The following SGCZ variants were observed in gnomAD, a reference collection of about 807,000 sequenced individuals.
The protein encoded by SGCZ is sarcoglycan zeta, also known as zeta-sarcoglycan.
SGCZ carries 40 observed loss-of-function variants against 41.3 expected under a neutral mutation model. That is an observed-to-expected ratio of 0.97 (90% CI 0.75 to 1.26). The LOEUF (loss-of-function observed/expected upper bound fraction) is 1.26, where lower values mean the gene tolerates loss of function less well. Among genes scored for constraint, SGCZ ranks in the 50% most tolerant of loss-of-function variants. The probability of loss-of-function intolerance (pLI) is 0.00; values close to 1 mark genes in which losing one functional copy is unlikely to be tolerated. For missense variants in SGCZ, 552 were observed against 369.8 expected, an observed-to-expected ratio of 1.49 and a Z score of -4.04; for synonymous variants, 206 against 137.5, an observed-to-expected ratio of 1.50 and a Z score of -3.49.
intron 1 of SGCZ, among the ~76,000 whole-genome samples, chr8:15,231,432 A>C (rs1801935118): frequency 1.3e-5 from 2 of 152,064 alleles, no homozygotes; most frequent in Admixed American, 1.3e-4. Context: ...AATTTTTAGA[A>C]TGTGAGGCTA....
intron 2 of SGCZ, among the ~76,000 whole-genome samples, chr8:14,405,081 G>C (rs544662929): frequency 6.6e-6 from 1 of 152,246 alleles, no homozygotes; most frequent in South Asian, 2.1e-4. Flanking sequence ...CTGTGACCCT[G>C]CTAACTACTT....
intron 1 of SGCZ, among the ~76,000 whole-genome samples, chr8:14,801,819 C>T (rs1801330283): frequency 1.4e-5 from 2 of 139,804 alleles, no homozygotes; most frequent in Admixed American, 7.7e-5. Flanking sequence ...TTTTTATGTG[C>T]TTTAAAAATA....
chr8:15,191,757 T>C (rs1365027442), intron 1 of SGCZ, among the ~76,000 whole-genome samples: 3 of 152,084 alleles, frequency 2.0e-5, no homozygotes, highest in Non-Finnish European at 2.9e-5. Flanking sequence ...GAAAAAATAC[T>C]GATATATTTC....
At chr8:14,909,796 A>C (rs1278374432) in intron 1 of SGCZ, among the ~76,000 whole-genome samples, 1 of 152,214 alleles carries the variant, frequency 6.6e-6, no homozygotes, top group South Asian at 2.1e-4. Flanking sequence ...TGGTTTGTCC[A>C]TCTACTAGTT....
intron 1 of SGCZ, among the ~76,000 whole-genome samples, chr8:15,006,260 G>A (rs78895772): frequency 6.6e-6 from 1 of 152,138 alleles, no homozygotes; most frequent in Non-Finnish European, 1.5e-5. Flanking sequence ...GAATAGCAAT[G>A]GCCATGATTT....
chr8:14,480,350 C>T (rs1801502060), intron 2 of SGCZ, among the ~76,000 whole-genome samples: 1 of 152,084 alleles, frequency 6.6e-6, no homozygotes, highest in African/African-American at 2.4e-5. Context: ...TTCAGGACAC[C>T]ATATTCTCTT....
At chr8:15,102,565 AGC>A in intron 1 of SGCZ, among the ~76,000 whole-genome samples, 1 of 152,236 alleles carries the variant, frequency 6.6e-6, no homozygotes, top group Non-Finnish European at 1.5e-5. Context: ...AAATATAACA[AGC>A]ATACCACGCT....
In SGCZ at chr8:15,140,345, C is replaced by T. The variant is rs114326028; in HGVS notation, c.39+97240G>A. Among the ~76,000 whole-genome samples, 1,405 of 152,208 alleles carry T rather than the reference C, an allele frequency of 9.2e-3. 17 individuals are homozygous for T. Among genetic ancestry groups the T allele is most frequent in the African/African-American group, 0.032 (1,315 of 41,536 alleles). On this transcript the variant is annotated intron_variant, in intron 1 of 7. Coordinates refer to ENST00000382080, the MANE Select transcript of SGCZ (RefSeq NM_139167.4). ...CAGTCATTATAGAGCTTATTTAGAG[C>T]TCATAACTAATATAAATAGTGTAAT...
intron 2 of SGCZ, among the ~76,000 whole-genome samples, chr8:14,542,165 G>T (rs766926372): frequency 2.4e-4 from 37 of 151,958 alleles, no homozygotes; most frequent in Admixed American, 2.0e-4. Flanking sequence ...TTTGGCTTTT[G>T]TTATTATTGC....
intron 1 of SGCZ, among the ~76,000 whole-genome samples, chr8:14,757,467 T>C (rs1294719961): frequency 6.6e-6 from 1 of 152,184 alleles, no homozygotes; most frequent in Non-Finnish European, 1.5e-5. Flanking sequence ...TACCGATGCC[T>C]CTTTGTCCTC....
intron 1 of SGCZ, among the ~76,000 whole-genome samples, chr8:14,800,484 C>A (rs1355580763): frequency 7.2e-5 from 11 of 152,144 alleles, no homozygotes; most frequent in Non-Finnish European, 1.5e-4. Flanking sequence ...GCTGCATATC[C>A]ACCCAAATCT....
intron 1 of SGCZ, among the ~76,000 whole-genome samples, chr8:14,797,421 A>T (rs1801170929): frequency 6.6e-6 from 1 of 152,172 alleles, no homozygotes; most frequent in Admixed American, 6.5e-5. Flanking sequence ...GACTGGAGGC[A>T]TTTTGGCCCT....
intron 5 of SGCZ, among the ~76,000 whole-genome samples, chr8:14,125,299 C>G (rs1802817306): frequency 6.6e-6 from 1 of 151,926 alleles, no homozygotes; most frequent in Non-Finnish European, 1.5e-5. Context: ...GTCAGGAGAT[C>G]AAGACCATCC....
chr8:14,242,547 A>G (rs1339950689), intron 3 of SGCZ, among the ~76,000 whole-genome samples: 1 of 152,166 alleles, frequency 6.6e-6, no homozygotes, highest in East Asian at 1.9e-4. Context: ...TGTGCTTGTT[A>G]TAAGGATTAA....
At chr8:14,658,694 C>G (rs911677970) in intron 1 of SGCZ, among the ~76,000 whole-genome samples, 1 of 152,078 alleles carries the variant, frequency 6.6e-6, no homozygotes. Flanking sequence ...TTCTTCTCAG[C>G]AGGTATTATT....
At chr8:14,112,136 C>A (rs1388028467) in intron 5 of SGCZ, among the ~76,000 whole-genome samples, 1 of 152,120 alleles carries the variant, frequency 6.6e-6, no homozygotes, top group Non-Finnish European at 1.5e-5. Context: ...AAGGCAAGAA[C>A]ACCTCACATT....
At chr8:14,952,536 T>A (rs947643111) in intron 1 of SGCZ, among the ~76,000 whole-genome samples, 2 of 152,260 alleles carry the variant, frequency 1.3e-5, no homozygotes, top group Non-Finnish European at 2.9e-5. Context: ...TTGATAAATT[T>A]GCATTAATTT....
intron 1 of SGCZ, among the ~76,000 whole-genome samples, chr8:15,074,639 T>G (rs1308605202): frequency 3.3e-5 from 5 of 152,096 alleles, no homozygotes; most frequent in African/African-American, 4.8e-5. Flanking sequence ...CCATGAAAAT[T>G]TACCTGTCGT....
chr8:14,549,101 C>G (rs1803720140), intron 2 of SGCZ, among the ~76,000 whole-genome samples: 1 of 151,800 alleles, frequency 6.6e-6, no homozygotes, highest in African/African-American at 2.4e-5. Flanking sequence ...GCATATCTTG[C>G]CTTAAGGTAG....
Sources: gnomAD v4.1 joint callset for allele counts (sites outside exome capture counted in the v4.1 genomes callset) on GRCh38, gnomAD v4.1.1 for gene constraint, MANE v1.5 for transcripts, NCBI Gene and HGNC (gene_info 2026-07-23, HGNC 2026-07-21) for gene names.